CFAP47: variants seen among roughly 807,000 people sequenced by gnomAD.
The protein encoded by CFAP47 is cilia and flagella associated protein 47.
CFAP47 carries 29 observed loss-of-function variants against 148.1 expected under a neutral mutation model. That is an observed-to-expected ratio of 0.20 (90% confidence interval 0.15 to 0.27). The LOEUF is 0.27. Among genes scored for constraint, CFAP47 ranks in the 10% least tolerant of loss-of-function variants. The pLI is 1.00. For missense variants in CFAP47, 1,872 were observed against 1,697.5 expected (o/e 1.10, Z -1.81); for synonymous variants, 664 against 577.3 (o/e 1.15, Z -2.15).
chrX:36,344,847 A>G (rs1941684236), intron 57 of CFAP47, among the ~76,000 whole-genome samples: 1 of 112,038 alleles, frequency 8.9e-6, no homozygotes, highest in Non-Finnish European at 1.9e-5. Context: ...ATTAATCTAT[A>G]GTTTCCCTGA....
intron 15 of CFAP47, among the ~76,000 whole-genome samples, chrX:35,987,605 A>T (rs1936734550): frequency 9.0e-6 from 1 of 111,044 alleles, no homozygotes. Context: ...GCCCCTTTCC[A>T]GGGGAGTAAA....
At chrX:36,324,199 T>TA (rs1490098092) in intron 57 of CFAP47, among the ~76,000 whole-genome samples, 1 of 111,943 alleles carries the variant, frequency 8.9e-6, no homozygotes, top group African/African-American at 3.2e-5. Flanking sequence ...CTAATAAAGT[T>TA]ATAGGACTTG....
chrX:36,261,046 C>T (rs1006038479), intron 49 of CFAP47, among the ~76,000 whole-genome samples: 1 of 109,315 alleles, frequency 9.1e-6, no homozygotes, highest in Non-Finnish European at 1.9e-5. Context: ...GTTTCTCTAA[C>T]GTGTTGGATT....
intron 21 of CFAP47, among the ~76,000 whole-genome samples, chrX:36,004,566 A>C (rs926476716): frequency 2.7e-5 from 3 of 110,364 alleles, no homozygotes; most frequent in Non-Finnish European, 3.8e-5. Flanking sequence ...CTATAATATT[A>C]TTTGGCAGTA....
intron 32 of CFAP47, among the ~76,000 whole-genome samples, chrX:36,104,261 A>T (rs1938429580): frequency 8.9e-6 from 1 of 111,976 alleles, no homozygotes; most frequent in Non-Finnish European, 1.9e-5. Context: ...AGCCTCTTGT[A>T]AATTATACAG....
intron 45 of CFAP47, among the ~76,000 whole-genome samples, chrX:36,213,195 G>T (rs1940121657): frequency 9.0e-6 from 1 of 111,245 alleles, no homozygotes; most frequent in Non-Finnish European, 1.9e-5. Context: ...ACATTTTATG[G>T]TTATATATGT....
Position 36,064,006 on chromosome X carries a change from G to C in CFAP47, c.4218-1637G>C, listed in dbSNP as rs1937615879. Among the ~76,000 whole-genome samples, 3 of 112,113 alleles carry C rather than the reference G, an allele frequency of 2.7e-5. No homozygotes were observed. The South Asian group carries it at 1.1e-3, about 41-fold the overall frequency. Reference sequence around the variant, plus strand: ...TACATCACAGGGGATATGAGTATAAGGGCAGAGCATCCACAGAATTTATTA... The same window carrying C: ...TACATCACAGGGGATATGAGTATAACGGCAGAGCATCCACAGAATTTATTA... On this transcript the variant is annotated intron_variant, in intron 26 of 63. Coordinates refer to ENST00000378653, the MANE Select transcript of CFAP47 (RefSeq NM_001304548.2).
intron 52 of CFAP47, 140 bp downstream of exon 52, chrX:36,299,292 A>C (rs1941275314): frequency 2.9e-6 from 1 of 341,365 alleles, no homozygotes; most frequent in Admixed American, 5.7e-5. Context: ...CCCTGAAAAA[A>C]TGTACTGACT....
rs183138068 is a variant in CFAP47, at chrX:35,937,647, G to A, written c.402-3636G>A. 3.2e-3 allele frequency among the ~76,000 whole-genome samples: 355 copies of A among 110,581 alleles called. 1 individual carries two copies. Among genetic ancestry groups the A allele is most frequent in the Middle Eastern group, 0.014 (3 of 215 alleles). On this transcript the variant is annotated intron_variant, in intron 2 of 63. Coordinates refer to ENST00000378653, the MANE Select transcript of CFAP47 (RefSeq NM_001304548.2). ...GATTGTAAAATTCTTGAGGTCCAGG[G>A]GAGTTTTATTTTTTTCTATAATCTA...
chrX:36,106,750 A>T (rs990442500), intron 33 of CFAP47, among the ~76,000 whole-genome samples: 3 of 112,032 alleles, frequency 2.7e-5, no homozygotes, highest in Non-Finnish European at 3.8e-5. Context: ...TGCGGTTTCA[A>T]CTATATGACT....
intron 25 of CFAP47, among the ~76,000 whole-genome samples, chrX:36,040,642 AAAGAT>A (rs1350008001): frequency 8.9e-6 from 1 of 111,939 alleles, no homozygotes; most frequent in Admixed American, 9.5e-5. Context: ...TCAATAAAGA[AAAGAT>A]AACAAGATCC....
Position 36,366,967 on chromosome X carries a change from T to C in CFAP47, c.9025T>C (p.Ser3009Pro). The C allele has an allele frequency of 4.5e-6, 5 of 1,118,382 alleles. No individual in the cohort carries two copies. The highest frequency in any genetic ancestry group is 5.9e-6 in the Non-Finnish European group (5 of 845,683). The allele number at this position is 1,118,382 out of a possible 1,213,427, so 92.2% of individuals were successfully genotyped here. Residue 3009 changes from serine to proline, a missense_variant and splice_region_variant, in exon 62 of 64, where the codon TCT (serine) becomes CCT (proline). Physicochemically the swap from Ser to Pro is moderately conservative, Grantham distance 74 (BLOSUM62 -1). Coordinates refer to ENST00000378653, the MANE Select transcript of CFAP47 (RefSeq NM_001304548.2). ...LVFTPKKPLRSHITLKIECVT... is the reference protein window; with the variant it reads ...LVFTPKKPLRPHITLKIECVT... The stretch of plus-strand genomic sequence containing the variant: ...TTAAAATCTCCTTTTATATTCAAGG[T>C]CTCACATAACACTGAAAATAGAGTG...
chrX:35,939,123 G>A (rs6632411), intron 2 of CFAP47, among the ~76,000 whole-genome samples: 1 of 109,720 alleles, frequency 9.1e-6, no homozygotes, highest in Admixed American at 9.7e-5. Flanking sequence ...CAAATATACC[G>A]AATGAGATAG....
At chrX:36,085,193 G>C (rs1938057843) in intron 29 of CFAP47, 121 bp from the exon 30 acceptor site, 3 of 446,242 alleles carry the variant, frequency 6.7e-6, no homozygotes. Context: ...GTGTATTATG[G>C]AGTTTCTTAC....
At chrX:36,241,066 A>G (rs1445355419) in intron 48 of CFAP47, among the ~76,000 whole-genome samples, 3 of 110,612 alleles carry the variant, frequency 2.7e-5, no homozygotes, top group African/African-American at 9.9e-5. Context: ...TGGAAACCCT[A>G]CATGGGGTAC....
At chrX:36,040,720 C>T (rs1326777116) in intron 25 of CFAP47, among the ~76,000 whole-genome samples, 1 of 111,207 alleles carries the variant, frequency 9.0e-6, no homozygotes, top group Non-Finnish European at 1.9e-5. Context: ...TACTGAATTT[C>T]ACAAATAAAT....
chrX:36,350,050 C>G lies in CFAP47; in HGVS notation c.8616C>G (p.Ile2872Met), dbSNP rs781945695. ...AATTTCTAATTAGTATTGTGGGAAT[C>G]GACAGCGAAGAAATCCAAGCAATAC... ...LDIKFKSIVGIDSEEIQAIHW... is the reference protein window; with the variant it reads ...LDIKFKSIVGMDSEEIQAIHW... Residue 2872 changes from isoleucine to methionine, a missense_variant, in exon 59 of 64, where the codon ATC becomes ATG. Physicochemically the swap from Ile to Met is conservative, Grantham distance 10. Transcript: ENST00000378653. The G allele has an allele frequency of 8.7e-6, 10 of 1,145,442 alleles. No homozygotes were observed. In the East Asian group the frequency reaches 3.3e-4, roughly 38 times the overall value. The allele number at this position is 1,145,442 out of a possible 1,213,427, so 94.4% of individuals were successfully genotyped here.
At chrX:36,083,236 A>C (rs1236745754) in intron 29 of CFAP47, among the ~76,000 whole-genome samples, 1 of 110,677 alleles carries the variant, frequency 9.0e-6, no homozygotes, top group African/African-American at 3.3e-5. Flanking sequence ...GCATACATAC[A>C]TATAGATGTA....
intron 57 of CFAP47, among the ~76,000 whole-genome samples, chrX:36,326,334 C>T (rs1222347912): frequency 1.9e-5 from 2 of 107,669 alleles, no homozygotes; most frequent in Admixed American, 1.0e-4. Context: ...CACACACAAA[C>T]GTGCTAGGAT....
Sources: allele counts gnomAD v4.1 joint callset (sites outside exome capture counted in the v4.1 genomes callset), GRCh38; gene constraint gnomAD v4.1.1; transcripts MANE v1.5; gene names NCBI Gene and HGNC (gene_info 2026-07-23, HGNC 2026-07-21).